CCDC180: variants seen among roughly 807,000 people sequenced by gnomAD.
CCDC180 encodes coiled-coil domain containing 180.
Under a neutral mutation model 209.2 loss-of-function variants are expected in CCDC180, and 154 were observed. The ratio of observed to expected loss-of-function variants is 0.74; its 90% CI spans 0.65 to 0.84. The LOEUF (loss-of-function observed/expected upper bound fraction) is 0.84. CCDC180 is among the 40% of genes least tolerant of loss of function. The probability of loss-of-function intolerance (pLI) is 0.00; values close to 1 mark genes in which losing one functional copy is unlikely to be tolerated. For missense variants in CCDC180, 1,874 were observed against 1,997.3 expected (o/e 0.94, Z 1.18); for synonymous variants, 778 against 749.1 (o/e 1.04, Z -0.63).
Position 97,307,731 on chromosome 9 carries a change from C to G in CCDC180, c.-157C>G, listed in dbSNP as rs1832840640. ...GCAATAATCCTGTATTATTCGCGTTCCCAGAGTCCCTTCGGATTTGCGCCA... is the reference window on the plus strand; with the variant it reads ...GCAATAATCCTGTATTATTCGCGTTGCCAGAGTCCCTTCGGATTTGCGCCA... On this transcript the variant is annotated 5_prime_UTR_variant, in exon 1 of 37. Coordinates refer to ENST00000529487, the MANE Select transcript of CCDC180 (RefSeq NM_020893.6). 3.1e-6 allele frequency: 5 copies of G among 1,614,010 alleles called. No homozygotes were observed. The highest frequency in any genetic ancestry group is 2.2e-5 in the East Asian group (1 of 44,880).
chr9:97,328,617 C>A (rs550555671), intron 16 of CCDC180, among the ~76,000 whole-genome samples: 1 of 152,214 alleles, frequency 6.6e-6, no homozygotes, highest in South Asian at 2.1e-4. Context: ...GTGCCTCCTG[C>A]CTGCTGCCCT....
intron 23 of CCDC180, 52 bp from the exon 24 acceptor site, chr9:97,354,840 C>T: frequency 6.4e-7 from 1 of 1,553,984 alleles, no homozygotes; most frequent in Non-Finnish European, 8.9e-7. Flanking sequence ...CCTTCAGAGT[C>T]CAAAAGGTCC....
At chr9:97,348,465 A>G (rs914043355) in intron 20 of CCDC180, among the ~76,000 whole-genome samples, 2 of 152,182 alleles carry the variant, frequency 1.3e-5, no homozygotes, top group Non-Finnish European at 2.9e-5. Context: ...CCCTGACCCA[A>G]TACACAGTGT....
chr9:97,374,807 C>G (rs1335265379), intron 35 of CCDC180, among the ~76,000 whole-genome samples, 159 bp downstream of exon 35: 3 of 152,214 alleles, frequency 2.0e-5, no homozygotes, highest in African/African-American at 4.8e-5. Context: ...AGCATGGCCA[C>G]TTACCTTGAT....
In CCDC180 at chr9:97,362,367, C is replaced by T. The variant is rs752705286; in HGVS notation, c.3828C>T (p.Phe1276=). Residue 1276 remains phenylalanine, a synonymous_variant, in exon 28 of 37, where the codon TTC becomes TTT. Transcript: ENST00000529487. The part of the protein sequence containing the change: ...SCPGPSSPKG[F]KRHRCQPENS... ...CTGGGCCCTCGTCACCCAAAGGCTT[C>T]AAGCGACATCGGTGCCAGCCAGAAA... 2.5e-6 allele frequency: 4 copies of T among 1,614,018 alleles called. No individual in the cohort carries two copies. In the African/African-American group the frequency reaches 5.3e-5, roughly 22 times the overall value.
At chr9:97,360,670 G>A (rs966536832) in intron 26 of CCDC180, among the ~76,000 whole-genome samples, 5 of 152,150 alleles carry the variant, frequency 3.3e-5, no homozygotes, top group South Asian at 4.1e-4. Context: ...CTCTCACTCC[G>A]CCTAAGATGT....
chr9:97,365,795 C>A, intron 30 of CCDC180, 56 bp downstream of exon 30: 1 of 1,507,278 alleles, frequency 6.6e-7, no homozygotes, highest in Non-Finnish European at 9.2e-7. Flanking sequence ...CTGCCTTCTG[C>A]AGTCTGCTGA....
chr9:97,360,302 G>T (rs1003914077), intron 26 of CCDC180, among the ~76,000 whole-genome samples: 1 of 152,054 alleles, frequency 6.6e-6, no homozygotes, highest in Admixed American at 6.5e-5. Flanking sequence ...CCACTTCCTT[G>T]CATTGGTCTC....
chr9:97,307,895 G>T, intron 1 of CCDC180, 88 bp from the exon 2 acceptor site: 1 of 1,592,678 alleles, frequency 6.3e-7, no homozygotes, highest in South Asian at 1.1e-5. Flanking sequence ...TCCCCGGGGA[G>T]TCCTGCCCTG....
At position 97,343,428 on chromosome 9, in the gene CCDC180, T is replaced by C. The variant is rs1361949158; in HGVS notation, c.2363T>C (p.Phe788Ser). 3 of 1,614,074 alleles carry C rather than the reference T, an allele frequency of 1.9e-6. No homozygotes were observed. Among genetic ancestry groups the C allele is most frequent in the Non-Finnish European group, 2.5e-6 (3 of 1,179,928 alleles). The change falls in exon 19 of 37, where the codon TTT (phenylalanine) becomes TCT (serine). Residue 788 changes from phenylalanine (F) to serine (S), a missense_variant. By Grantham distance (155) the Phe-to-Ser change is radical. Coordinates refer to ENST00000529487, the MANE Select transcript of CCDC180 (RefSeq NM_020893.6). ...TISSGNTYFV[F>S]VPLEEEHCRK... ...TCCAGTGGAAACACTTATTTTGTCTTTGTACCCCTGGAAGAAGAGCATTGT... is the reference window on the plus strand; with the variant it reads ...TCCAGTGGAAACACTTATTTTGTCTCTGTACCCCTGGAAGAAGAGCATTGT...
At chr9:97,317,340 T>C in intron 9 of CCDC180, 112 bp downstream of exon 9, 1 of 996,540 alleles carries the variant, frequency 1.0e-6, no homozygotes, top group Non-Finnish European at 1.4e-6. Context: ...GCTGTTTCTC[T>C]CTGCTCTTTT....
rs1381250882 is a variant in CCDC180, at chr9:97,377,236, G to A, written c.*342G>A. 1.7e-5 allele frequency: 3 copies of A among 178,376 alleles called. No homozygotes were observed. The East Asian group carries it at 4.6e-4, about 27-fold the overall frequency. 11.0% of individuals were successfully genotyped at this position (178,376 alleles called of 1,614,324 possible). A position where few individuals can be genotyped will look rare whatever the true frequency, so the allele number is the denominator to read the frequency against. On this transcript the variant is annotated 3_prime_UTR_variant, in exon 37 of 37. Transcript: ENST00000529487. ...ACGTCATCTTGAAAAATGAAATAAA[G>A]GTCATGGGAAAATGATATTTTAATT...
At chr9:97,341,139 C>A (rs1202339717) in intron 18 of CCDC180, among the ~76,000 whole-genome samples, 5 of 152,192 alleles carry the variant, frequency 3.3e-5, no homozygotes, top group Admixed American at 6.5e-5. Context: ...CCCACGTGAC[C>A]TTACCCATCA....
chr9:97,361,202 C>G (rs1374977074), intron 26 of CCDC180, among the ~76,000 whole-genome samples: 1 of 152,220 alleles, frequency 6.6e-6, no homozygotes, highest in Admixed American at 6.5e-5. Context: ...TCCACACTTT[C>G]TCTAGGAGCC....
At chr9:97,323,678 A>G (rs1833431181) in intron 12 of CCDC180, 103 bp from the exon 13 acceptor site, 2 of 1,329,848 alleles carry the variant, frequency 1.5e-6, no homozygotes, top group Admixed American at 2.7e-5. Flanking sequence ...CTTCACCTGG[A>G]GCTCAGGTCT....
chr9:97,308,170 C>G (rs767363618), intron 2 of CCDC180, 38 bp downstream of exon 2: 2 of 1,507,846 alleles, frequency 1.3e-6, no homozygotes, highest in Non-Finnish European at 1.8e-6. Flanking sequence ...CTCCATCCCC[C>G]TTCCCTTGCT....
intron 20 of CCDC180, among the ~76,000 whole-genome samples, chr9:97,347,829 G>A (rs1039253706): frequency 1.3e-5 from 2 of 152,054 alleles, no homozygotes; most frequent in African/African-American, 2.4e-5. Flanking sequence ...ATGTTCTAGA[G>A]GCAAGCTCAT....
chr9:97,367,621 A>G (rs1430179162), intron 31 of CCDC180, among the ~76,000 whole-genome samples: 1 of 152,034 alleles, frequency 6.6e-6, no homozygotes, highest in African/African-American at 2.4e-5. Context: ...CTACAGGCGC[A>G]TGCCACCATG....
At chr9:97,321,561 C>G (rs1833360074) in intron 11 of CCDC180, among the ~76,000 whole-genome samples, 2 of 152,180 alleles carry the variant, frequency 1.3e-5, no homozygotes, top group Admixed American at 6.5e-5. Flanking sequence ...AAGAGTGTTT[C>G]TGTATGAGCC....
Sources: allele counts gnomAD v4.1 joint callset (sites outside exome capture counted in the v4.1 genomes callset), GRCh38; gene constraint gnomAD v4.1.1; transcripts MANE v1.5; gene names NCBI Gene and HGNC (gene_info 2026-07-23, HGNC 2026-07-21).